Variants in PPP1R12B observed in about 807,000 individuals in gnomAD.
PPP1R12B encodes the protein protein phosphatase 1 regulatory subunit 12B.
PPP1R12B carries 76 observed loss-of-function variants against 126.1 expected under a neutral mutation model. The ratio of observed to expected loss-of-function variants is 0.60; its 90% CI spans 0.50 to 0.73. The LOEUF (loss-of-function observed/expected upper bound fraction) is 0.73. PPP1R12B is among the 30% of genes least tolerant of loss of function. The probability of loss-of-function intolerance (pLI) is 0.00; values close to 1 mark genes in which losing one functional copy is unlikely to be tolerated. For missense variants in PPP1R12B, 1,052 were observed against 1,205.1 expected, an observed-to-expected ratio of 0.87 and a Z score of 1.88; for synonymous variants, 356 against 434.7, an observed-to-expected ratio of 0.82 and a Z score of 2.25.
At chr1:202,461,043 T>C (rs1390164011) in intron 13 of PPP1R12B, among the ~76,000 whole-genome samples, 1 of 152,050 alleles carries the variant, frequency 6.6e-6, no homozygotes, top group Non-Finnish European at 1.5e-5. Flanking sequence ...TAGTGGGAAA[T>C]GCACAGGATT....
intron 1 of PPP1R12B, among the ~76,000 whole-genome samples, chr1:202,374,532 C>G (rs1183166619): frequency 3.0e-5 from 4 of 134,198 alleles, no homozygotes; most frequent in Non-Finnish European, 6.2e-5. Flanking sequence ...GAGTCTCACT[C>G]TGTCACCCAG....
At position 202,588,782 on chromosome 1, in the gene PPP1R12B, T is replaced by G. The variant is rs1427804314; in HGVS notation, c.*8222T>G. 1.3e-5 allele frequency: 2 copies of G among 151,256 alleles called. No homozygotes were observed. Among genetic ancestry groups the G allele is most frequent in the African/African-American group, 4.9e-5 (2 of 41,016 alleles). 9.4% of individuals were successfully genotyped at this position (151,256 alleles called of 1,614,324 possible). The stretch of plus-strand genomic sequence containing the variant: ...GTATCAAGGAATTTCCTAAATGGAG[T>G]CAGGCCAAGGAGAAGCCTAGATTGG... On this transcript the variant is annotated 3_prime_UTR_variant, in exon 24 of 24. Transcript: ENST00000608999.
At chr1:202,562,520 A>G in intron 19 of PPP1R12B, 6 of 583,236 alleles carry the variant, frequency 1.0e-5, no homozygotes, top group East Asian at 7.5e-5. Context: ...AAGTCAGCTC[A>G]TAGGTCCAAA....
At chr1:202,524,331 C>G (rs1310888013) in intron 18 of PPP1R12B, among the ~76,000 whole-genome samples, 1 of 152,118 alleles carries the variant, frequency 6.6e-6, no homozygotes, top group East Asian at 1.9e-4. Flanking sequence ...ACAAATGAAG[C>G]AGGTTGGGGA....
chr1:202,382,234 G>A (rs1255069445), intron 1 of PPP1R12B, among the ~76,000 whole-genome samples: 1 of 147,868 alleles, frequency 6.8e-6, no homozygotes, highest in Non-Finnish European at 1.5e-5. Context: ...GAGAACACTT[G>A]GACACTGGAA....
In PPP1R12B at chr1:202,591,418, A is replaced by C. The variant is rs1690113297; in HGVS notation, c.*10858A>C. On this transcript the variant is annotated 3_prime_UTR_variant, in exon 24 of 24. Transcript: ENST00000608999. Reference sequence around the variant, plus strand: ...GGCAGGGGGGCTACCTGTCCCTCTCAGTTCAACAGGATGACCTGGGGCCTT... The same window carrying C: ...GGCAGGGGGGCTACCTGTCCCTCTCCGTTCAACAGGATGACCTGGGGCCTT... 1 of 152,408 alleles carries C rather than the reference A, an allele frequency of 6.6e-6. No homozygotes were observed. The highest frequency in any genetic ancestry group is 2.4e-5 in the African/African-American group (1 of 41,422). The allele number at this position is 152,408 out of a possible 1,614,324, so 9.4% of individuals were successfully genotyped here.
rs1183468577 is a variant in PPP1R12B, at chr1:202,586,241, CT to C, written c.*5682del. ...ACAGCACTTGGCTTTCACAAGCCTC[CT>C]ACAGGACCTGGTGTAATTGGAGTGA... is the stretch of plus-strand genomic sequence containing the variant. On this transcript the variant is annotated 3_prime_UTR_variant, in exon 24 of 24. Coordinates refer to ENST00000608999, the MANE Select transcript of PPP1R12B (RefSeq NM_002481.4). 6.6e-6 allele frequency: 1 copy of C among 152,326 alleles called. No homozygotes were observed. The highest frequency in any genetic ancestry group is 1.5e-5 in the Non-Finnish European group (1 of 68,106). 9.4% of individuals were successfully genotyped at this position (152,326 alleles called of 1,614,324 possible).
chr1:202,543,346 C>T (rs1052559276), intron 18 of PPP1R12B, among the ~76,000 whole-genome samples: 4 of 152,022 alleles, frequency 2.6e-5, no homozygotes, highest in African/African-American at 9.7e-5. Context: ...CCTCACCAGC[C>T]AAGAAGATTT....
intron 13 of PPP1R12B, among the ~76,000 whole-genome samples, chr1:202,471,277 A>C (rs1470478867): frequency 1.3e-5 from 2 of 151,304 alleles, no homozygotes; most frequent in Non-Finnish European, 2.9e-5. Flanking sequence ...ATTTTAGTCC[A>C]TTGTACAATT....
intron 8 of PPP1R12B, among the ~76,000 whole-genome samples, chr1:202,433,076 A>C (rs1011032061): frequency 3.9e-5 from 6 of 152,208 alleles, no homozygotes; most frequent in Non-Finnish European, 7.3e-5. Context: ...ATAGGAGATG[A>C]CCTTTTATTC....
intron 9 of PPP1R12B, among the ~76,000 whole-genome samples, chr1:202,435,621 A>G (rs1051575615): frequency 1.3e-5 from 2 of 152,316 alleles, no homozygotes; most frequent in Middle Eastern, 3.4e-3. Context: ...AGTGAGAGTG[A>G]GTTGAATGAT....
At chr1:202,382,737 C>CG (rs1459846566) in intron 1 of PPP1R12B, among the ~76,000 whole-genome samples, 1 of 151,648 alleles carries the variant, frequency 6.6e-6, no homozygotes, top group Non-Finnish European at 1.5e-5. Flanking sequence ...ATTAGCCAGG[C>CG]TGGTGGCATG....
chr1:202,430,461 CT>C lies in PPP1R12B; in HGVS notation c.922-260del, dbSNP rs3835140. ...GGCTTTTTATCCTTCAGAATCTAGA[CT>C]TTTTTTTTTGAAGATTGGGTTTGGA... On this transcript the variant is annotated intron_variant, in intron 6 of 23. Coordinates refer to ENST00000608999, the MANE Select transcript of PPP1R12B (RefSeq NM_002481.4). Among the ~76,000 whole-genome samples the C allele has an allele frequency of 4.7e-5, 7 of 149,918 alleles. No homozygotes were observed. The East Asian group carries it at 9.7e-4, about 21-fold the overall frequency.
intron 19 of PPP1R12B, among the ~76,000 whole-genome samples, chr1:202,559,707 G>C (rs1047545418): frequency 6.6e-6 from 1 of 152,154 alleles, no homozygotes; most frequent in African/African-American, 2.4e-5. Context: ...TTGGTATTGA[G>C]CTGGTTCTGT....
At chr1:202,422,914 G>A (rs1239670781) in intron 3 of PPP1R12B, among the ~76,000 whole-genome samples, 176 bp downstream of exon 3, 1 of 152,138 alleles carries the variant, frequency 6.6e-6, no homozygotes, top group Non-Finnish European at 1.5e-5. Context: ...ACTCAGACAA[G>A]AATAGGCCAG....
rs1173716997 is a variant in PPP1R12B, at chr1:202,590,984, A to G, written c.*10424A>G. On this transcript the variant is annotated 3_prime_UTR_variant, in exon 24 of 24. Transcript: ENST00000608999. ...TGGAGGAACTCCTGGTGCCCCATGC[A>G]CACTGCTCCCATCACCTCACCAGAC... 1 of 152,300 alleles carries G rather than the reference A, an allele frequency of 6.6e-6. No individual in the cohort carries two copies. The highest frequency in any genetic ancestry group is 1.9e-4 in the East Asian group (1 of 5,182). 9.4% of individuals were successfully genotyped at this position (152,300 alleles called of 1,614,324 possible).
chr1:202,436,728 C>T (rs915797002), intron 9 of PPP1R12B, among the ~76,000 whole-genome samples: 1 of 152,048 alleles, frequency 6.6e-6, no homozygotes. Context: ...ATTAAAATTT[C>T]ATTTTTAACA....
At chr1:202,381,119 T>G (rs1412722767) in intron 1 of PPP1R12B, among the ~76,000 whole-genome samples, 5 of 152,192 alleles carry the variant, frequency 3.3e-5, no homozygotes, top group Non-Finnish European at 7.3e-5. Flanking sequence ...ACACATTCCA[T>G]ACATACATAT....
intron 1 of PPP1R12B, among the ~76,000 whole-genome samples, chr1:202,395,739 G>A (rs1311138102): frequency 6.6e-6 from 1 of 151,910 alleles, no homozygotes; most frequent in African/African-American, 2.4e-5. Flanking sequence ...TTCTTCTCTT[G>A]CTTAGATTCT....
Sources: gnomAD v4.1 joint callset for allele counts (sites outside exome capture counted in the v4.1 genomes callset) on GRCh38, gnomAD v4.1.1 for gene constraint, MANE v1.5 for transcripts, NCBI Gene and HGNC (gene_info 2026-07-23, HGNC 2026-07-21) for gene names.